DHRSX: variants seen among roughly 807,000 people sequenced by gnomAD.
DHRSX encodes the protein polyprenol dehydrogenase.
In DHRSX, 31 loss-of-function variants were observed where a neutral mutation model predicts 34.0. The observed-to-expected ratio is 0.91, with a 90% CI of 0.69 to 1.23. The LOEUF is 1.23. DHRSX is among the 50% of genes most tolerant of loss of function. DHRSX has a pLI of 0.00. For synonymous variants in DHRSX, 201 were observed against 183.8 expected, an observed-to-expected ratio of 1.09 and a Z score of -0.76; for missense variants, 414 against 428.1, an observed-to-expected ratio of 0.97 and a Z score of 0.29.
chrX:2,435,526 G>A (rs2043981212), intron 1 of DHRSX, among the ~76,000 whole-genome samples: 1 of 151,848 alleles, frequency 6.6e-6, no homozygotes, highest in Non-Finnish European at 1.5e-5. Flanking sequence ...CACTTTAGGA[G>A]GTCAGGGTGA....
chrX:2,288,970 T>C lies in DHRSX; in HGVS notation c.388+2532A>G, dbSNP rs545157530. Among the ~76,000 whole-genome samples, 7 of 152,322 alleles carry C rather than the reference T, an allele frequency of 4.6e-5. 1 individual carries two copies. The highest frequency in any genetic ancestry group is 1.4e-4 in the African/African-American group (6 of 41,588). ...AAAGGTAAACGTGGTGGTTGAGTGA[T>C]GGAGTATACGCTGGTTAGCCTGTGT... On this transcript the variant is annotated intron_variant, in intron 4 of 6. Coordinates refer to ENST00000334651, the MANE Select transcript of DHRSX (RefSeq NM_145177.3).
intron 2 of DHRSX, among the ~76,000 whole-genome samples, chrX:2,420,459 A>G (rs2043764854): frequency 1.3e-5 from 2 of 150,122 alleles, no homozygotes; most frequent in African/African-American, 4.9e-5. Context: ...AATAAAGAGA[A>G]TGGGGCCGGG....
At chrX:2,334,966 G>A (rs1448480369) in intron 3 of DHRSX, 2 of 151,970 alleles carry the variant, frequency 1.3e-5, no homozygotes, top group Non-Finnish European at 2.9e-5. Flanking sequence ...GATTGTCTGA[G>A]GTCAGGAGCT....
chrX:2,323,354 A>G (rs1201171760), intron 3 of DHRSX, among the ~76,000 whole-genome samples: 1 of 152,208 alleles, frequency 6.6e-6, no homozygotes, highest in Non-Finnish European at 1.5e-5. Context: ...ACGTGAGGGA[A>G]GAGTGGGTGT....
intron 1 of DHRSX, among the ~76,000 whole-genome samples, chrX:2,441,460 C>G (rs758598649): frequency 6.6e-6 from 1 of 152,094 alleles, no homozygotes; most frequent in East Asian, 1.9e-4. Flanking sequence ...AGAGAAACAA[C>G]CAGTAGGATA....
rs1444833686 is a variant in DHRSX at position 2,230,343 on chromosome X, G to C, written c.805-9114C>G. 3.3e-5 allele frequency among the ~76,000 whole-genome samples: 5 copies of C among 152,208 alleles called. No homozygotes were observed. The South Asian group carries it at 1.0e-3, about 31-fold the overall frequency. ...ATGGCCTCAGTGACCACCTGAAGCAGAGAGGATTAAGAAAACCTTCCTTTA... is the reference window on the plus strand; with the variant it reads ...ATGGCCTCAGTGACCACCTGAAGCACAGAGGATTAAGAAAACCTTCCTTTA... On this transcript the variant is annotated intron_variant, in intron 6 of 6. Transcript: ENST00000334651.
At chrX:2,405,273 G>T (rs1040068193) in intron 3 of DHRSX, among the ~76,000 whole-genome samples, 16 of 152,028 alleles carry the variant, frequency 1.1e-4, no homozygotes, top group Middle Eastern at 3.4e-3. Flanking sequence ...TGGATCATGA[G>T]GTCAGGAGTT....
intron 1 of DHRSX, among the ~76,000 whole-genome samples, chrX:2,499,582 G>A (rs1300155157): frequency 1.3e-5 from 2 of 151,992 alleles, no homozygotes; most frequent in African/African-American, 4.8e-5. Context: ...ACCAGCCTGG[G>A]CAACATGGTG....
intron 2 of DHRSX, 48 bp downstream of exon 2, chrX:2,425,149 A>AC (rs1460551780): frequency 2.0e-6 from 3 of 1,494,866 alleles, no homozygotes; most frequent in African/African-American, 2.8e-5. Flanking sequence ...TCAGAAAAAA[A>AC]AAAAAACCGA....
At chrX:2,395,463 A>G (rs1410159318) in intron 3 of DHRSX, among the ~76,000 whole-genome samples, 1 of 152,154 alleles carries the variant, frequency 6.6e-6, no homozygotes, top group Non-Finnish European at 1.5e-5. Context: ...CACTCCTGGC[A>G]GACCTCCCTT....
chrX:2,402,373 G>A (rs2043496941), intron 3 of DHRSX, among the ~76,000 whole-genome samples: 1 of 152,212 alleles, frequency 6.6e-6, no homozygotes, highest in Admixed American at 6.5e-5. Context: ...AGCAAGGTTC[G>A]TACGGGTTTG....
chrX:2,227,586 T>G (rs1335977029), intron 6 of DHRSX, among the ~76,000 whole-genome samples: 198 of 48,360 alleles, frequency 4.1e-3, no homozygotes, highest in African/African-American at 6.0e-3. Context: ...AAGGGAAGGA[T>G]GAAAAAAGAA....
At chrX:2,269,520 G>A (rs1193936934) in intron 4 of DHRSX, among the ~76,000 whole-genome samples, 2 of 152,120 alleles carry the variant, frequency 1.3e-5, no homozygotes, top group Non-Finnish European at 2.9e-5. Context: ...GTATGTGTGT[G>A]TGTATTTTAT....
chrX:2,227,089 C>G (rs1329580844), intron 6 of DHRSX, among the ~76,000 whole-genome samples: 1 of 151,958 alleles, frequency 6.6e-6, no homozygotes, highest in Non-Finnish European at 1.5e-5. Flanking sequence ...GCTGGAGCAC[C>G]CTGCACCTGC....
chrX:2,229,224 C>A (rs1474625786), intron 6 of DHRSX, among the ~76,000 whole-genome samples: 1 of 152,128 alleles, frequency 6.6e-6, no homozygotes, highest in Non-Finnish European at 1.5e-5. Context: ...TAAAGAGACT[C>A]CTAGCTGAGC....
chrX:2,229,923 G>A (rs979797171), intron 6 of DHRSX, among the ~76,000 whole-genome samples: 56 of 152,162 alleles, frequency 3.7e-4, no homozygotes, highest in Non-Finnish European at 4.0e-4. Flanking sequence ...ACATGCATGT[G>A]CATGAATGCA....
At chrX:2,225,854 T>G (rs2015647609) in intron 6 of DHRSX, among the ~76,000 whole-genome samples, 1 of 151,866 alleles carries the variant, frequency 6.6e-6, no homozygotes, top group Non-Finnish European at 1.5e-5. Flanking sequence ...TCAACGTCTG[T>G]TGTTTATAAG....
chrX:2,377,599 A>G (rs1445133161), intron 3 of DHRSX, among the ~76,000 whole-genome samples: 2 of 152,280 alleles, frequency 1.3e-5, no homozygotes, highest in African/African-American at 2.4e-5. Flanking sequence ...TCTACAGGAC[A>G]AGAAACAACC....
At chrX:2,362,550 C>T (rs367923911) in intron 3 of DHRSX, among the ~76,000 whole-genome samples, 1 of 152,342 alleles carries the variant, frequency 6.6e-6, no homozygotes, top group East Asian at 1.9e-4. Context: ...CCGCCCACCA[C>T]AGCCTCCCAA....
Sources: gnomAD v4.1 joint callset for allele counts (sites outside exome capture counted in the v4.1 genomes callset) on GRCh38, gnomAD v4.1.1 for gene constraint, MANE v1.5 for transcripts, NCBI Gene and HGNC (gene_info 2026-07-23, HGNC 2026-07-21) for gene names.